The following ZNG1A variants were observed in gnomAD, a reference collection of about 807,000 sequenced individuals.
The protein encoded by ZNG1A is zinc-regulated GTPase metalloprotein activator 1A.
chr9:133,725 G>T, the ZNG1A span, among the ~76,000 whole-genome samples: 1 of 141,200 alleles, frequency 7.1e-6, no homozygotes, highest in Non-Finnish European at 1.5e-5. Context: ...CTCCACATGC[G>T]ATTCTGATTT....
chr9:126,619 G>A, the ZNG1A span, among the ~76,000 whole-genome samples: 8 of 151,872 alleles, frequency 5.3e-5, no homozygotes, highest in African/African-American at 9.7e-5. Context: ...TCTTGCTAAC[G>A]GTCTATCAAT....
chr9:135,239 A>G, the ZNG1A span, among the ~76,000 whole-genome samples: 1 of 151,114 alleles, frequency 6.6e-6, no homozygotes, highest in African/African-American at 2.5e-5. Context: ...AAAACCACAC[A>G]TTCATATATA....
the ZNG1A span, among the ~76,000 whole-genome samples, chr9:127,310 C>A: frequency 2.6e-5 from 4 of 152,002 alleles, no homozygotes; most frequent in Non-Finnish European, 4.4e-5. Flanking sequence ...GTGTTGCTGT[C>A]TGTCTAATTT....
the ZNG1A span, among the ~76,000 whole-genome samples, chr9:140,752 G>A: frequency 1.3e-5 from 2 of 152,080 alleles, no homozygotes; most frequent in African/African-American, 4.8e-5. Context: ...CGAGCTATGG[G>A]AGGACATTCA....
At chr9:161,228 G>C in the ZNG1A span, among the ~76,000 whole-genome samples, 1 of 152,028 alleles carries the variant, frequency 6.6e-6, no homozygotes, top group African/African-American at 2.4e-5. Context: ...CAGCACTTTG[G>C]GAGGCCGAGG....
chr9:173,711 G>A, the ZNG1A span, among the ~76,000 whole-genome samples: 2 of 151,992 alleles, frequency 1.3e-5, no homozygotes, highest in African/African-American at 2.4e-5. Flanking sequence ...AGACCAGTAT[G>A]TTTTATATAC....
chr9:129,505 C>A, the ZNG1A span, among the ~76,000 whole-genome samples: 1 of 149,736 alleles, frequency 6.7e-6, no homozygotes, highest in African/African-American at 2.5e-5. Flanking sequence ...AAAATCCCGT[C>A]ATATACTACA....
the ZNG1A span, chr9:164,032 C>T: frequency 6.3e-7 from 1 of 1,588,240 alleles, no homozygotes; most frequent in Non-Finnish European, 8.5e-7. Flanking sequence ...ATAGAAGCCA[C>T]TGCACCTGAA....
the ZNG1A span, among the ~76,000 whole-genome samples, chr9:142,060 C>G: frequency 7.0e-6 from 1 of 143,878 alleles, no homozygotes; most frequent in African/African-American, 2.7e-5. Flanking sequence ...GAGTGACCTA[C>G]AAAGAGACTT....
chr9:140,202 T>C, the ZNG1A span, among the ~76,000 whole-genome samples: 3 of 151,778 alleles, frequency 2.0e-5, no homozygotes, highest in East Asian at 5.8e-4. Context: ...GCTCCACCTC[T>C]GGGGGCAGGG....
chr9:177,766 C>T, the ZNG1A span: 1 of 1,538,772 alleles, frequency 6.5e-7, no homozygotes, highest in Non-Finnish European at 8.8e-7. Context: ...GTTTGAAATA[C>T]ATTGTTTTGG....
At chr9:140,943 G>A in the ZNG1A span, among the ~76,000 whole-genome samples, 387 of 140,890 alleles carry the variant, frequency 2.7e-3, 3 homozygotes, top group African/African-American at 0.01. Flanking sequence ...GGGTATCAGC[G>A]ATGGAAGATG....
chr9:152,715 G>C, the ZNG1A span, among the ~76,000 whole-genome samples: 2 of 151,178 alleles, frequency 1.3e-5, no homozygotes, highest in African/African-American at 4.9e-5. Flanking sequence ...TCAACACACT[G>C]TACACCTCAT....
the ZNG1A span, among the ~76,000 whole-genome samples, chr9:163,468 G>A: frequency 1.3e-5 from 2 of 152,080 alleles, no homozygotes; most frequent in African/African-American, 4.8e-5. Flanking sequence ...TGGAAGTTGA[G>A]TGACATCGAG....
chr9:127,481 A>C, the ZNG1A span, among the ~76,000 whole-genome samples: 1 of 152,088 alleles, frequency 6.6e-6, no homozygotes, highest in Non-Finnish European at 1.5e-5. Flanking sequence ...TGTTTTGTCT[A>C]ATATAAGAAT....
At chr9:129,875 T>C in the ZNG1A span, among the ~76,000 whole-genome samples, 4 of 147,930 alleles carry the variant, frequency 2.7e-5, no homozygotes, top group East Asian at 5.9e-4. Flanking sequence ...AAATGAGCTG[T>C]TGGGCAATTT....
At chr9:178,240 T>C in the ZNG1A span, among the ~76,000 whole-genome samples, 1 of 151,008 alleles carries the variant, frequency 6.6e-6, no homozygotes, top group Admixed American at 6.6e-5. Flanking sequence ...TGAGAAATAG[T>C]CTTGGAGGAC....
chr9:124,110 T>C, the ZNG1A span, among the ~76,000 whole-genome samples: 1 of 152,200 alleles, frequency 6.6e-6, no homozygotes, highest in African/African-American at 2.4e-5. Flanking sequence ...GACATCATCA[T>C]GTATTGAATA....
the ZNG1A span, among the ~76,000 whole-genome samples, chr9:140,387 C>T: frequency 2.7e-5 from 4 of 150,456 alleles, no homozygotes; most frequent in South Asian, 6.3e-4. Flanking sequence ...TGGGAGGCAC[C>T]CCCTAGCAGA....
Sources: allele counts gnomAD v4.1 joint callset (sites outside exome capture counted in the v4.1 genomes callset), GRCh38; gene constraint gnomAD v4.1.1; transcripts MANE v1.5; gene names NCBI Gene and HGNC (gene_info 2026-07-23, HGNC 2026-07-21).